GALNT2: variants seen among roughly 807,000 people sequenced by gnomAD.
GALNT2 encodes the protein polypeptide N-acetylgalactosaminyltransferase 2.
A neutral mutation model predicts 81.4 loss-of-function variants in GALNT2; 31 were observed. The ratio of observed to expected loss-of-function variants is 0.38; its 90% confidence interval spans 0.29 to 0.51. The LOEUF (loss-of-function observed/expected upper bound fraction) is 0.51, where lower values mean the gene tolerates loss of function less well. GALNT2 is among the 20% of genes least tolerant of loss of function. GALNT2 has a pLI of 0.87. For synonymous variants in GALNT2, 303 were observed against 287.4 expected (o/e 1.05, Z -0.55); for missense variants, 629 against 765.7 (o/e 0.82, Z 2.11).
intron 1 of GALNT2, among the ~76,000 whole-genome samples, chr1:230,160,453 A>G (rs1237940892): frequency 1.3e-5 from 2 of 152,138 alleles, no homozygotes; most frequent in African/African-American, 2.4e-5. Flanking sequence ...AGAAGACTCA[A>G]AAGAACTTTC....
chr1:230,107,288 A>T (rs1223169502), intron 1 of GALNT2, among the ~76,000 whole-genome samples: 2 of 152,238 alleles, frequency 1.3e-5, no homozygotes, highest in Non-Finnish European at 2.9e-5. Context: ...ATGAATTCGC[A>T]GCCAGGGACA....
intron 3 of GALNT2, among the ~76,000 whole-genome samples, chr1:230,214,193 A>C (rs940943903): frequency 3.3e-5 from 5 of 151,744 alleles, no homozygotes; most frequent in African/African-American, 7.3e-5. Context: ...GCTCACTGCA[A>C]CCTCCGCCTC....
At position 230,094,332 on chromosome 1, in the gene GALNT2, C is replaced by CATATAAAT. The variant is rs558435609; in HGVS notation, c.126+26930_126+26931insAAATATAT. ...GGCCTTATTTTTATATATTTAAGAA[C>CATATAAAT]ATATGCTTTCGGCCGGGGTGGCAGC... On this transcript the variant is annotated intron_variant, in intron 1 of 15. Coordinates refer to ENST00000366672, the MANE Select transcript of GALNT2 (RefSeq NM_004481.5). Among the ~76,000 whole-genome samples, 10 of 43,978 alleles carry CATATAAAT rather than the reference C, an allele frequency of 2.3e-4. No homozygotes were observed. In the East Asian group the frequency reaches 6.1e-3, roughly 27 times the overall value. 28.9% of individuals were successfully genotyped at this position (43,978 alleles called of 152,430 possible).
Position 230,236,001 on chromosome 1 carries a change from T to C in GALNT2, c.375-13T>C. The C allele has an allele frequency of 6.2e-7, 1 of 1,613,536 alleles. No homozygotes were observed. The highest frequency in any genetic ancestry group is 1.7e-4 in the Middle Eastern group (1 of 6,060). Reference sequence around the variant, plus strand: ...GGGTCATTGTTCAGAGGACCATCTTTCTCTTCCTGCAGGTGTCAGCGGAAG... The same window carrying C: ...GGGTCATTGTTCAGAGGACCATCTTCCTCTTCCTGCAGGTGTCAGCGGAAG... On this transcript the variant is annotated splice_polypyrimidine_tract_variant and intron_variant, in intron 3 of 15. Transcript: ENST00000366672.
At position 230,193,870 on chromosome 1, in the gene GALNT2, C is replaced by T. The variant is rs1376541878; in HGVS notation, c.221-9267C>T. ...CAGCCAGGTCCTAGAGTGTCAGCCA[C>T]AGAGCTGATGCTGGCGGGGCCCCGA... On this transcript the variant is annotated intron_variant, in intron 2 of 15. Transcript: ENST00000366672. The surrounding 1 kb of genome is among the most constrained non-coding windows in gnomAD (Gnocchi z 4.3). Among the ~76,000 whole-genome samples, 1 of 152,202 alleles carries T rather than the reference C, an allele frequency of 6.6e-6. No homozygotes were observed. Among genetic ancestry groups the T allele is most frequent in the Non-Finnish European group, 1.5e-5 (1 of 68,036 alleles).
intron 6 of GALNT2, among the ~76,000 whole-genome samples, chr1:230,240,943 C>T (rs569443376): frequency 2.0e-5 from 3 of 152,282 alleles, no homozygotes; most frequent in Non-Finnish European, 4.4e-5. Flanking sequence ...TCTGTTGTTC[C>T]ATCTTCAAGT....
chr1:230,126,583 G>C (rs373051026), intron 1 of GALNT2, among the ~76,000 whole-genome samples: 2 of 152,328 alleles, frequency 1.3e-5, no homozygotes, highest in East Asian at 3.9e-4. Flanking sequence ...GCGGGAATGA[G>C]AGTGGTTCAG....
intron 1 of GALNT2, among the ~76,000 whole-genome samples, chr1:230,096,125 G>C (rs929533492): frequency 3.3e-5 from 5 of 152,186 alleles, no homozygotes; most frequent in African/African-American, 1.2e-4. Context: ...GCCGGGCCAG[G>C]CTCACCTGGG....
chr1:230,058,146 C>A (rs554961955), intron 1 of GALNT2: 3 of 455,640 alleles, frequency 6.6e-6, no homozygotes, highest in South Asian at 4.6e-5. Context: ...CGTCTTTAAC[C>A]ATGAGTCTCC....
intron 1 of GALNT2, among the ~76,000 whole-genome samples, chr1:230,108,486 T>C (rs1360078547): frequency 2.0e-5 from 3 of 152,224 alleles, no homozygotes; most frequent in Non-Finnish European, 4.4e-5. Context: ...TACCAAGATG[T>C]GGCGCATTGT....
chr1:230,157,671 C>A (rs1196488594), intron 1 of GALNT2, among the ~76,000 whole-genome samples: 2 of 152,202 alleles, frequency 1.3e-5, no homozygotes, highest in Non-Finnish European at 2.9e-5. Context: ...AGGAGACAAG[C>A]ACGGTTCACA....
chr1:230,167,253 C>G (rs11122452), intron 1 of GALNT2, among the ~76,000 whole-genome samples: 25,975 of 152,048 alleles, frequency 0.17, 2,293 homozygotes, highest in South Asian at 0.21. Context: ...TCAGGTGATT[C>G]TCCTGCCTCA....
intron 1 of GALNT2, among the ~76,000 whole-genome samples, chr1:230,124,827 G>T (rs1191288038): frequency 6.6e-6 from 1 of 152,000 alleles, no homozygotes; most frequent in Admixed American, 6.6e-5. Flanking sequence ...GGGTGGTGTG[G>T]CCTGTCTGGG....
intron 2 of GALNT2, among the ~76,000 whole-genome samples, chr1:230,183,145 C>T (rs1165499754): frequency 6.6e-6 from 1 of 152,074 alleles, no homozygotes; most frequent in Non-Finnish European, 1.5e-5. Flanking sequence ...TATCATTTTA[C>T]TTTTAATCTA....
chr1:230,246,310 A>G (rs1445013316), intron 8 of GALNT2, among the ~76,000 whole-genome samples, 160 bp downstream of exon 8: 1 of 152,136 alleles, frequency 6.6e-6, no homozygotes, highest in Non-Finnish European at 1.5e-5. Context: ...GTAGGACTTC[A>G]TAAAGAGAAA....
intron 14 of GALNT2, among the ~76,000 whole-genome samples, chr1:230,267,091 T>C (rs1464546019): frequency 1.3e-5 from 2 of 152,224 alleles, no homozygotes; most frequent in African/African-American, 4.8e-5. Context: ...TCCCCCTCTC[T>C]TCCTTGTGCA....
At chr1:230,166,535 C>T (rs370861310) in intron 1 of GALNT2, among the ~76,000 whole-genome samples, 10 of 152,342 alleles carry the variant, frequency 6.6e-5, no homozygotes, top group African/African-American at 2.4e-4. Flanking sequence ...ACAGCCTTGG[C>T]CTTGCCATGG....
intron 6 of GALNT2, among the ~76,000 whole-genome samples, chr1:230,238,075 A>G (rs1665086821): frequency 6.6e-6 from 1 of 152,204 alleles, no homozygotes. Context: ...AGATTATGGA[A>G]AGCCTATATG....
In GALNT2 at chr1:230,193,693, T is replaced by C. The variant is rs1448839761; in HGVS notation, c.221-9444T>C. On this transcript the variant is annotated intron_variant, in intron 2 of 15. Coordinates refer to ENST00000366672, the MANE Select transcript of GALNT2 (RefSeq NM_004481.5). The surrounding 1 kb of genome is among the most constrained non-coding windows in gnomAD (Gnocchi z 4.3). ...TTAAACCAACATTTATTTGAACAAG[T>C]CATCCAAATGCAAGTAGTCCCCTGA... Among the ~76,000 whole-genome samples, 2 of 152,216 alleles carry C rather than the reference T, an allele frequency of 1.3e-5. No homozygotes were observed. The highest frequency in any genetic ancestry group is 2.9e-5 in the Non-Finnish European group (2 of 68,038).
Sources: gnomAD v4.1 joint callset for allele counts (sites outside exome capture counted in the v4.1 genomes callset) on GRCh38, gnomAD v4.1.1 for gene constraint, Gnocchi (gnomAD v3.1) non-coding constraint, MANE v1.5 for transcripts, NCBI Gene and HGNC (gene_info 2026-07-23, HGNC 2026-07-21) for gene names.